HPSE2: variants seen among roughly 807,000 people sequenced by gnomAD.
HPSE2 encodes inactive heparanase-2.
Under a neutral mutation model 60.5 loss-of-function variants are expected in HPSE2, and 38 were observed. The ratio of observed to expected loss-of-function variants is 0.63; its 90% CI spans 0.48 to 0.82. HPSE2 has a LOEUF of 0.82. Among genes scored for constraint, HPSE2 ranks in the 40% least tolerant of loss-of-function variants. The probability of loss-of-function intolerance (pLI) is 0.00; values close to 1 mark genes in which losing one functional copy is unlikely to be tolerated. For missense variants in HPSE2, 713 were observed against 740.4 expected (o/e 0.96, Z 0.43); for synonymous variants, 295 against 293.2 (o/e 1.01, Z -0.06).
intron 3 of HPSE2, among the ~76,000 whole-genome samples, chr10:99,108,579 C>T (rs1844337379): frequency 6.6e-6 from 1 of 151,874 alleles, no homozygotes; most frequent in Admixed American, 6.5e-5. Context: ...CTCCATTATC[C>T]CTGCCTAAAG....
At chr10:98,608,597 G>T in intron 9 of HPSE2, among the ~76,000 whole-genome samples, 1 of 152,322 alleles carries the variant, frequency 6.6e-6, no homozygotes, top group African/African-American at 2.4e-5. Flanking sequence ...TGGGCATGCA[G>T]CCCAGGCACT....
chr10:98,849,583 A>G (rs1300054758), intron 3 of HPSE2, among the ~76,000 whole-genome samples: 1 of 152,232 alleles, frequency 6.6e-6, no homozygotes, highest in Non-Finnish European at 1.5e-5. Flanking sequence ...TTTGGAAGTA[A>G]AAGTCAAGGA....
intron 3 of HPSE2, among the ~76,000 whole-genome samples, chr10:98,845,973 G>A (rs569982521): frequency 6.6e-6 from 1 of 152,310 alleles, no homozygotes; most frequent in South Asian, 2.1e-4. Context: ...CCCTTGAACA[G>A]ATGCAGAATA....
chr10:98,745,894 C>T (rs566450671), intron 3 of HPSE2, among the ~76,000 whole-genome samples: 15 of 152,184 alleles, frequency 9.9e-5, no homozygotes, highest in African/African-American at 3.4e-4. Context: ...GTCCAAGTTA[C>T]CCCATTAGCA....
intron 9 of HPSE2, among the ~76,000 whole-genome samples, chr10:98,585,198 A>T (rs1031819583): frequency 1.3e-5 from 2 of 152,100 alleles, no homozygotes; most frequent in South Asian, 4.1e-4. Flanking sequence ...TGCTACATGA[A>T]AAGTTATAAT....
At chr10:98,758,504 C>T (rs1354407093) in intron 3 of HPSE2, among the ~76,000 whole-genome samples, 1 of 152,002 alleles carries the variant, frequency 6.6e-6, no homozygotes, top group Non-Finnish European at 1.5e-5. Flanking sequence ...CAAACAATCC[C>T]ACTAAAAATT....
At chr10:98,797,703 G>C (rs549441165) in intron 3 of HPSE2, among the ~76,000 whole-genome samples, 3 of 152,080 alleles carry the variant, frequency 2.0e-5, no homozygotes, top group South Asian at 2.1e-4. Context: ...AATTAGCCGA[G>C]CGTGGTGGTG....
At chr10:98,664,742 G>T (rs923967756) in intron 6 of HPSE2, among the ~76,000 whole-genome samples, 35 of 152,130 alleles carry the variant, frequency 2.3e-4, no homozygotes, top group Admixed American at 5.2e-4. Context: ...CACAAATAAA[G>T]ATCTTGTTAA....
At chr10:98,664,177 T>C (rs1947297702) in intron 6 of HPSE2, among the ~76,000 whole-genome samples, 1 of 152,106 alleles carries the variant, frequency 6.6e-6, no homozygotes. Context: ...CAAAACTTGC[T>C]TGGGCTTTCA....
intron 9 of HPSE2, among the ~76,000 whole-genome samples, chr10:98,535,060 G>A (rs1943241841): frequency 6.6e-6 from 1 of 152,128 alleles, no homozygotes; most frequent in Non-Finnish European, 1.5e-5. Context: ...TCAACTTTGT[G>A]GGTTACCTAC....
intron 3 of HPSE2, among the ~76,000 whole-genome samples, chr10:98,885,836 G>T (rs1953148052): frequency 6.6e-6 from 1 of 151,944 alleles, no homozygotes; most frequent in African/African-American, 2.4e-5. Flanking sequence ...CTTTATTTTG[G>T]TGGTCTAGGA....
intron 2 of HPSE2, among the ~76,000 whole-genome samples, chr10:99,182,425 A>G (rs1420664549): frequency 6.6e-6 from 1 of 152,188 alleles, no homozygotes; most frequent in Non-Finnish European, 1.5e-5. Context: ...GTTCTATAAC[A>G]TTTCTATGCC....
At chr10:98,966,106 G>A (rs1955808466) in intron 3 of HPSE2, among the ~76,000 whole-genome samples, 1 of 152,090 alleles carries the variant, frequency 6.6e-6, no homozygotes, top group Non-Finnish European at 1.5e-5. Context: ...GGCCAGACTG[G>A]TCTTGAACCC....
chr10:98,932,231 T>C (rs1284419113), intron 3 of HPSE2, among the ~76,000 whole-genome samples: 3 of 144,388 alleles, frequency 2.1e-5, no homozygotes, highest in Non-Finnish European at 4.5e-5. Flanking sequence ...AATAATCATA[T>C]GGTTTTTGTC....
chr10:98,574,023 T>C (rs1408566162), intron 9 of HPSE2, among the ~76,000 whole-genome samples: 4 of 152,122 alleles, frequency 2.6e-5, no homozygotes, highest in African/African-American at 9.7e-5. Flanking sequence ...AAACCCTGCA[T>C]CCCTCAGCTC....
intron 6 of HPSE2, among the ~76,000 whole-genome samples, chr10:98,655,718 G>T (rs1947042982): frequency 6.6e-6 from 1 of 152,142 alleles, no homozygotes; most frequent in African/African-American, 2.4e-5. Context: ...TTTTGCAGTT[G>T]TGCTGGGAAA....
At chr10:98,748,002 A>T (rs1312274438) in intron 3 of HPSE2, among the ~76,000 whole-genome samples, 1 of 152,188 alleles carries the variant, frequency 6.6e-6, no homozygotes. Context: ...GATCTGTCTA[A>T]AATAATTATT....
At chr10:98,838,178 T>C (rs996737468) in intron 3 of HPSE2, among the ~76,000 whole-genome samples, 5 of 152,168 alleles carry the variant, frequency 3.3e-5, no homozygotes, top group Non-Finnish European at 5.9e-5. Flanking sequence ...TCTTGTGACT[T>C]GTGAATCAGG....
At chr10:98,800,885 G>C (rs1048307343) in intron 3 of HPSE2, among the ~76,000 whole-genome samples, 2 of 152,094 alleles carry the variant, frequency 1.3e-5, no homozygotes, top group African/African-American at 4.8e-5. Context: ...TGAGGCTAGT[G>C]ATACCCTGAT....
Sources: allele counts gnomAD v4.1 joint callset (sites outside exome capture counted in the v4.1 genomes callset), GRCh38; gene constraint gnomAD v4.1.1; transcripts MANE v1.5; gene names NCBI Gene and HGNC (gene_info 2026-07-23, HGNC 2026-07-21).